MED12: variants seen among roughly 807,000 people sequenced by gnomAD.
The protein encoded by MED12 is mediator complex subunit 12.
MED12 carries 10 observed loss-of-function variants against 177.7 expected under a neutral mutation model. That is an observed-to-expected ratio of 0.06 (90% confidence interval 0.03 to 0.10). The LOEUF (loss-of-function observed/expected upper bound fraction) is 0.10. Among genes scored for constraint, MED12 ranks in the 10% least tolerant of loss-of-function variants. The probability of loss-of-function intolerance (pLI) is 1.00; values close to 1 mark genes in which losing one functional copy is unlikely to be tolerated. For synonymous variants in MED12, 641 were observed against 678.4 expected (o/e 0.94, Z 0.86); for missense variants, 867 against 1,780.8 (o/e 0.49, Z 9.23).
chrX:71,141,829 G>A, intron 43 of MED12, 54 bp from the exon 44 acceptor site: 3 of 1,107,482 alleles, frequency 2.7e-6, no homozygotes, highest in Admixed American at 2.2e-5. Flanking sequence ...GGGAAAGGAG[G>A]TTGAAGAAGG....
chrX:71,141,849 C>T (rs766547485), intron 43 of MED12, 34 bp from the exon 44 acceptor site: 25 of 1,169,221 alleles, frequency 2.1e-5, no homozygotes, highest in Non-Finnish European at 2.8e-5. Context: ...GAGAAAAGTT[C>T]GACTTCAGTC....
Position 71,121,324 on chromosome X carries a change from T to C in MED12, c.736-3T>C, listed in dbSNP as rs2092288995. 14 of 1,208,350 alleles carry C rather than the reference T, an allele frequency of 1.2e-5. No individual in the cohort carries two copies. Among genetic ancestry groups the C allele is most frequent in the Admixed American group, 2.2e-5 (1 of 46,039 alleles). ...CCCCTCTTCCCTCCCCTGGTACCCA[T>C]AGGATGGAATGCTGGACAGACATGA... On this transcript the variant is annotated splice_polypyrimidine_tract_variant and splice_region_variant and intron_variant, in intron 5 of 44. Coordinates refer to ENST00000374080, the MANE Select transcript of MED12 (RefSeq NM_005120.3).
Position 71,137,203 on chromosome X carries a change from C to T in MED12, c.5568C>T (p.Asp1856=), listed in dbSNP as rs777253437. The T allele has an allele frequency of 1.7e-6, 2 of 1,211,666 alleles. No homozygotes were observed. The highest frequency in any genetic ancestry group is 2.2e-6 in the Non-Finnish European group (2 of 895,425). ...CCTTTTCAGGTGGCCCTCGTGTGGA[C>T]CCATACCGTCCTGTGCGCTTACCAA... The part of the protein sequence containing the change: ...QPLPAGGPRV[D]PYRPVRLPMQ... Residue 1856 remains aspartate, a synonymous_variant, in exon 39 of 45, where the codon GAC becomes GAT. Coordinates refer to ENST00000374080, the MANE Select transcript of MED12 (RefSeq NM_005120.3).
rs1233880508 is a variant in MED12, at chrX:71,136,970, A to C, written c.5492A>C (p.His1831Pro). The C allele has an allele frequency of 8.3e-7, 1 of 1,207,098 alleles. No homozygotes were observed. The highest frequency in any genetic ancestry group is 1.8e-5 in the South Asian group (1 of 56,524). ...CACCCAAACCCTGGTTCTATAACACACCTTAACTACAGGCAAGGCTCCATA... is the reference window on the plus strand; with the variant it reads ...CACCCAAACCCTGGTTCTATAACACCCCTTAACTACAGGCAAGGCTCCATA... The part of the protein sequence containing the change: ...LHHPNPGSIT[H>P]LNYRQGSIGL... The change falls in exon 38 of 45, where the codon CAC (histidine) becomes CCC (proline). Residue 1831 changes from histidine to proline, a missense_variant. Physicochemically the swap from His to Pro is moderately conservative, Grantham distance 77. Around this residue, in one of 14 missense-constraint regions of MED12, gnomAD observed 236 missense variants for 345.2 expected, o/e 0.68. Coordinates refer to ENST00000374080, the MANE Select transcript of MED12 (RefSeq NM_005120.3).
At position 71,129,669 on chromosome X, in the gene MED12, G is replaced by A. The variant is rs773008879; in HGVS notation, c.3692-11G>A. The A allele has an allele frequency of 2.8e-5, 33 of 1,175,393 alleles. No homozygotes were observed. The highest frequency in any genetic ancestry group is 2.8e-5 in the Non-Finnish European group (25 of 877,780). On this transcript the variant is annotated splice_polypyrimidine_tract_variant and intron_variant, in intron 26 of 44. Coordinates refer to ENST00000374080, the MANE Select transcript of MED12 (RefSeq NM_005120.3). ...ACTCTGCCCTCCCTATCTCCCACCCGTGAACCACAGGGGATGCGGAACTGA... is the reference window on the plus strand; with the variant it reads ...ACTCTGCCCTCCCTATCTCCCACCCATGAACCACAGGGGATGCGGAACTGA...
chrX:71,132,367 T>C lies in MED12; in HGVS notation c.4254-10T>C. 1 of 1,210,689 alleles carries C rather than the reference T, an allele frequency of 8.3e-7. No homozygotes were observed. The highest frequency in any genetic ancestry group is 3.0e-5 in the East Asian group (1 of 33,863). On this transcript the variant is annotated splice_polypyrimidine_tract_variant and intron_variant, in intron 30 of 44. Coordinates refer to ENST00000374080, the MANE Select transcript of MED12 (RefSeq NM_005120.3). The stretch of plus-strand genomic sequence containing the variant: ...CCCCTGTGACCCTGTGTCCTCTGTC[T>C]GTTCTCCAGCTCTCTAGAGCGCTCT...
intron 22 of MED12, 63 bp downstream of exon 22, chrX:71,128,183 T>C: frequency 1.7e-6 from 2 of 1,188,289 alleles, no homozygotes; most frequent in Non-Finnish European, 2.3e-6. Context: ...AGGGCTGAGG[T>C]ACCCGGGAGG....
intron 42 of MED12, 26 bp downstream of exon 42, chrX:71,140,883 A>G (rs1158695703): frequency 1.7e-6 from 2 of 1,202,437 alleles, no homozygotes; most frequent in Non-Finnish European, 1.1e-6. Flanking sequence ...TTCATCTGGG[A>G]CCTGGGAGCC....
chrX:71,135,744 C>G (rs1384557865), intron 36 of MED12, among the ~76,000 whole-genome samples: 2 of 111,763 alleles, frequency 1.8e-5, no homozygotes, highest in African/African-American at 6.5e-5. Flanking sequence ...TCTTCCTAGT[C>G]CATCTGTCTC....
intron 19 of MED12, 29 bp downstream of exon 19, chrX:71,126,513 G>A (rs948377746): frequency 5.8e-6 from 7 of 1,210,087 alleles, no homozygotes; most frequent in Non-Finnish European, 7.8e-6. Context: ...TGAGGGTGGA[G>A]GCAGGAGTTC....
intron 4 of MED12, 79 bp from the exon 5 acceptor site, chrX:71,120,892 G>A: frequency 8.7e-7 from 1 of 1,146,246 alleles, no homozygotes; most frequent in Non-Finnish European, 1.2e-6. Flanking sequence ...ACAGGCATGA[G>A]CCACCGCACC....
At position 71,132,150 on chromosome X, in the gene MED12, T is replaced by A. The variant is rs1389363000; in HGVS notation, c.4197T>A (p.Ser1399=). The A allele has an allele frequency of 1.7e-6, 2 of 1,211,011 alleles. No homozygotes were observed. Among genetic ancestry groups the A allele is most frequent in the Middle Eastern group, 2.3e-4 (1 of 4,351 alleles). Reference sequence around the variant, plus strand: ...AACAGTCAGCAGAGACAGGGTCATCTTCTGGAAGTACTGCAAGCAACATGC... The same window carrying A: ...AACAGTCAGCAGAGACAGGGTCATCATCTGGAAGTACTGCAAGCAACATGC... ...VFQQSAETGS[S]SGSTASNMPS... The change falls in exon 30 of 45, where the codon TCT becomes TCA. Residue 1399 remains serine (S), a synonymous_variant. Coordinates refer to ENST00000374080, the MANE Select transcript of MED12 (RefSeq NM_005120.3).
Position 71,123,189 on chromosome X carries a change from A to T in MED12, c.1580A>T (p.Lys527Met). 1 of 1,211,728 alleles carries T rather than the reference A, an allele frequency of 8.3e-7. No individual in the cohort carries two copies. The highest frequency in any genetic ancestry group is 1.1e-6 in the Non-Finnish European group (1 of 895,515). The change falls in exon 11 of 45, where the codon AAG becomes ATG. Residue 527 changes from lysine to methionine, a missense_variant. Physicochemically the swap from Lys to Met is moderately conservative, Grantham distance 95. Coordinates refer to ENST00000374080, the MANE Select transcript of MED12 (RefSeq NM_005120.3). ...CGGCATCGTGCTATGGTGGTAGCCA[A>T]GCTCCTGGAGAAGAGACAGGCGGAG... ...SGRHRAMVVA[K>M]LLEKRQAEIE...
intron 31 of MED12, 38 bp downstream of exon 31, chrX:71,132,576 A>G: frequency 8.7e-7 from 1 of 1,152,920 alleles, no homozygotes; most frequent in Non-Finnish European, 1.2e-6. Context: ...ATTGAGGGGT[A>G]GAAAGGAGAA....
At chrX:71,125,791 T>C (rs1201182559) in intron 17 of MED12, 78 bp downstream of exon 17, 1 of 891,436 alleles carries the variant, frequency 1.1e-6, no homozygotes, top group East Asian at 3.2e-5. Flanking sequence ...CTGTACATAT[T>C]CCTTTAAGGT....
intron 41 of MED12, among the ~76,000 whole-genome samples, chrX:71,139,841 G>A (rs1247692211): frequency 9.1e-6 from 1 of 109,677 alleles, no homozygotes; most frequent in Non-Finnish European, 1.9e-5. Flanking sequence ...GGAGGTTGCA[G>A]TGAGCCGAGA....
At chrX:71,130,849 A>G (rs1263199808) in intron 28 of MED12, among the ~76,000 whole-genome samples, 1 of 112,647 alleles carries the variant, frequency 8.9e-6, no homozygotes, top group Non-Finnish European at 1.9e-5. Flanking sequence ...AGGTCTCTTC[A>G]GCCCAGAAGA....
chrX:71,125,844 C>T (rs1160968598), intron 17 of MED12, 131 bp downstream of exon 17: 1 of 649,677 alleles, frequency 1.5e-6, no homozygotes, highest in Non-Finnish European at 2.5e-6. Context: ...TCACTGTCCC[C>T]TTCCCTTCAT....
chrX:71,141,641 T>A (rs910257578), intron 43 of MED12, among the ~76,000 whole-genome samples: 4 of 110,569 alleles, frequency 3.6e-5, no homozygotes, highest in African/African-American at 1.3e-4. Context: ...ATACAAAAAA[T>A]AATAATAATA....
Sources: allele counts gnomAD v4.1 joint callset (sites outside exome capture counted in the v4.1 genomes callset), GRCh38; gene constraint gnomAD v4.1.1; regional missense constraint gnomAD v4.1.1; transcripts MANE v1.5; gene names NCBI Gene and HGNC (gene_info 2026-07-23, HGNC 2026-07-21).